TTN: variants seen among roughly 807,000 people sequenced by gnomAD.
TTN encodes the protein connectin.
In TTN, 1,525 loss-of-function variants were observed where a neutral mutation model predicts 3,223.0. That is an observed-to-expected ratio of 0.47 (90% CI 0.45 to 0.49). TTN has a LOEUF of 0.49. TTN is among the 20% of genes least tolerant of loss of function. The pLI, the probability that TTN is intolerant of heterozygous loss-of-function variation, is 0.00. For synonymous variants in TTN, 14,094 were observed against 15,161.0 expected (o/e 0.93, Z 5.17); for missense variants, 40,786 against 43,424.0 (o/e 0.94, Z 5.40).
Position 178,636,613 on chromosome 2 carries a change from A to G in TTN, c.41114T>C (p.Ile13705Thr). The G allele has an allele frequency of 6.2e-7, 1 of 1,613,446 alleles. No individual in the cohort carries two copies. The highest frequency in any genetic ancestry group is 8.5e-7 in the Non-Finnish European group (1 of 1,179,600). The change falls in exon 225 of 363, where the codon ATC becomes ACC. Residue 13705 changes from isoleucine to threonine, a missense_variant. Transcript: ENST00000589042. The surrounding 1 kb of genome is among the most constrained non-coding windows in gnomAD (Gnocchi z 4.3). ...GGAAGGGGAGACCAAACATTCAAAGATTGCTGAAGAGCCAACGAACTCTGA... is the reference window on the plus strand; with the variant it reads ...GGAAGGGGAGACCAAACATTCAAAGGTTGCTGAAGAGCCAACGAACTCTGA... ...TESEFVGSSA[I>T]FECLVSPSTA...
rs751407435 is a variant in TTN, at chr2:178,621,210, C to T, written c.45508G>A (p.Asp15170Asn). 19 of 1,612,370 alleles carry T rather than the reference C, an allele frequency of 1.2e-5. No individual in the cohort carries two copies. Among genetic ancestry groups the T allele is most frequent in the Non-Finnish European group, 1.5e-5 (18 of 1,179,120 alleles). The change falls in exon 246 of 363, where the codon GAT becomes AAT. Residue 15170 changes from aspartate (D) to asparagine (N), a missense_variant. By Grantham distance (23) the Asp-to-Asn change is conservative. Coordinates refer to ENST00000589042, the MANE Select transcript of TTN (RefSeq NM_001267550.2). ...ESGDKYDVIA[D>N]GKKRVLVVKD... ...ACAACTAGGACCCTCTTTTTACCAT[C>T]AGCAATAACGTCATATTTATCTCCA...
rs1196566 is a variant in TTN at position 178,706,314 on chromosome 2, G to C, written c.29420+140C>G. 93 of 857,296 alleles carry C rather than the reference G, an allele frequency of 1.1e-4. No homozygotes were observed. In the African/African-American group the frequency reaches 1.5e-3, roughly 14 times the overall value. The allele number at this position is 857,296 out of a possible 1,614,324, so 53.1% of individuals were successfully genotyped here. ...AATACAATGTAAGTGCTGTGTAAAT[G>C]GTTGTTATGCTGTATTGTTTATTTG... On this transcript the variant is annotated intron_variant, in intron 102 of 362. Coordinates refer to ENST00000589042, the MANE Select transcript of TTN (RefSeq NM_001267550.2).
Position 178,784,319 on chromosome 2 carries a change from T to C in TTN, c.2526A>G (p.Leu842=). ...ASIAGSAIAT[L]QKELSATSSA... The stretch of plus-strand genomic sequence containing the variant: ...AAGATGTGGCTGACAACTCTTTTTG[T>C]AATGTGGCAATAGCACTACCGGCTA... Residue 842 remains leucine, a synonymous_variant, in exon 16 of 363, where the codon TTA becomes TTG. Transcript: ENST00000589042. 6.2e-7 allele frequency: 1 copy of C among 1,614,118 alleles called. No homozygotes were observed. Among genetic ancestry groups the C allele is most frequent in the Non-Finnish European group, 8.5e-7 (1 of 1,179,998 alleles).
chr2:178,660,485 C>T (rs1250959000), intron 180 of TTN, among the ~76,000 whole-genome samples: 4 of 127,118 alleles, frequency 3.1e-5, no homozygotes, highest in African/African-American at 1.2e-4. Flanking sequence ...ATGTAGAAAG[C>T]TGAAATTGGA....
Position 178,543,881 on chromosome 2 carries a change from T to C in TTN, c.96263A>G (p.Glu32088Gly). Residue 32088 changes from glutamate (E) to glycine (G), a missense_variant, in exon 346 of 363, where the codon GAA becomes GGA. Transcript: ENST00000589042. ...TGCTGATTTCTTGCCAGATTGGTTTTCAGCTTCAATTGTGTATTTTCCAGC... is the reference window on the plus strand; with the variant it reads ...TGCTGATTTCTTGCCAGATTGGTTTCCAGCTTCAATTGTGTATTTTCCAGC... The part of the protein sequence containing the change: ...YDAGKYTIEA[E>G]NQSGKKSATV... 6.2e-7 allele frequency: 1 copy of C among 1,613,722 alleles called. No individual in the cohort carries two copies. The highest frequency in any genetic ancestry group is 2.2e-5 in the East Asian group (1 of 44,864).
At position 178,583,212 on chromosome 2, in the gene TTN, T is replaced by A; in HGVS notation, c.65591A>T (p.Asp21864Val). ...CAAAGATTTCATAGCCACACTCAGG[T>A]CTATCCTGGGAGGGACTGGAAAGAA... is the stretch of plus-strand genomic sequence containing the variant. ...ILAENVPPRI[D>V]LSVAMKSLLT... is the part of the protein sequence containing the mutation. Residue 21864 changes from aspartate to valine, a missense_variant, in exon 313 of 363, where the codon GAC (aspartate) becomes GTC (valine). By Grantham distance (152) the Asp-to-Val change is radical. Coordinates refer to ENST00000589042, the MANE Select transcript of TTN (RefSeq NM_001267550.2). 6.2e-7 allele frequency: 1 copy of A among 1,604,318 alleles called. No homozygotes were observed.
At position 178,552,981 on chromosome 2, in the gene TTN, T is replaced by C. The variant is rs1699999061; in HGVS notation, c.89919A>G (p.Arg29973=). Reference sequence around the variant, plus strand: ...CAGACCATGTTCTCTTGGTGGCATCTCTCTTTTCAATGACATAATTAATTA... The same window carrying C: ...CAGACCATGTTCTCTTGGTGGCATCCCTCTTTTCAATGACATAATTAATTA... ...SPIINYVIEK[R]DATKRTWSVV... The change falls in exon 335 of 363, where the codon AGA becomes AGG. Residue 29973 remains arginine, a synonymous_variant. Transcript: ENST00000589042. The C allele has an allele frequency of 9.3e-6, 15 of 1,612,408 alleles. No homozygotes were observed. The highest frequency in any genetic ancestry group is 1.3e-5 in the Non-Finnish European group (15 of 1,179,784).
Position 178,720,496 on chromosome 2 carries a change from CA to C in TTN, c.23265del (p.Phe7755LeufsTer44), listed in dbSNP as rs1203595144. The C allele has an allele frequency of 6.2e-7, 1 of 1,613,542 alleles. No individual in the cohort carries two copies. The highest frequency in any genetic ancestry group is 8.5e-7 in the Non-Finnish European group (1 of 1,179,680). On this transcript the variant is annotated frameshift_variant, in exon 80 of 363. Coordinates refer to ENST00000589042, the MANE Select transcript of TTN (RefSeq NM_001267550.2). LOFTEE classifies it high-confidence loss of function. ...SKKFKITSKH[F>X]DTSLHILNLE... ...AGATTAAGGATATGAAGACTTGTAT[CA>C]AAATGTTTTGAAGTGATTTTAAATT...
chr2:178,746,760 C>T, intron 47 of TTN: 1 of 1,613,442 alleles, frequency 6.2e-7, no homozygotes, highest in Non-Finnish European at 8.5e-7. Context: ...TACCATTTCA[C>T]ACCAGGAACT....
intron 302 of TTN, 23 bp downstream of exon 302, chr2:178,591,955 T>C (rs756527756): frequency 1.2e-6 from 2 of 1,607,342 alleles, no homozygotes; most frequent in African/African-American, 2.7e-5. Context: ...ACAATAGTTT[T>C]GTATTCAGAG....
chr2:178,688,249 A>C, intron 126 of TTN, 25 bp from the exon 127 acceptor site: 2 of 1,601,592 alleles, frequency 1.2e-6, no homozygotes, highest in Non-Finnish European at 1.7e-6. Context: ...GTTTCATTTA[A>C]ATTCAGCCTG....
intron 343 of TTN, 21 bp downstream of exon 343, chr2:178,545,799 T>C: frequency 6.2e-7 from 1 of 1,607,106 alleles, no homozygotes; most frequent in Middle Eastern, 1.7e-4. Flanking sequence ...TGTCAAATTA[T>C]TTAAAAGTGT....
intron 44 of TTN, among the ~76,000 whole-genome samples, chr2:178,758,386 A>G (rs2087951830): frequency 6.6e-6 from 1 of 152,214 alleles, no homozygotes. Context: ...CTATATAAAA[A>G]TGCTATCCTT....
In TTN at chr2:178,733,639, T is replaced by C. The variant is rs774489738; in HGVS notation, c.15750A>G (p.Thr5250=). ...CTTTAACTATTAATTCCCCAACAGA[T>C]GTTTGGCTTCCAGCTTCATTTTCAG... The part of the protein sequence containing the change: ...CLAENEAGSQ[T]SVGELIVKEP... Residue 5250 remains threonine, a synonymous_variant, in exon 53 of 363, where the codon ACA becomes ACG. Coordinates refer to ENST00000589042, the MANE Select transcript of TTN (RefSeq NM_001267550.2). 1.2e-6 allele frequency: 2 copies of C among 1,612,568 alleles called. No individual in the cohort carries two copies. The highest frequency in any genetic ancestry group is 3.3e-5 in the Admixed American group (2 of 59,984).
intron 356 of TTN, 113 bp downstream of exon 356, chr2:178,536,825 G>A (rs1456151449): frequency 9.6e-7 from 1 of 1,039,548 alleles, no homozygotes; most frequent in African/African-American, 1.6e-5. Context: ...AAAGGCACTT[G>A]TACTTTATCT....
intron 180 of TTN, among the ~76,000 whole-genome samples, chr2:178,659,581 A>AGT (rs2064365402): frequency 5.4e-5 from 8 of 148,886 alleles, no homozygotes; most frequent in Admixed American, 4.7e-4. Context: ...ACCCACAGCC[A>AGT]GTATCATACT....
At chr2:178,726,191 G>A in intron 69 of TTN, 145 bp from the exon 70 acceptor site, 3 of 922,920 alleles carry the variant, frequency 3.3e-6, no homozygotes, top group African/African-American at 1.7e-5. Context: ...TGGGATAACA[G>A]CCTCAGAAGC....
rs764427918 is a variant in TTN at position 178,599,480 on chromosome 2, C to G, written c.56348-35G>C. ...TTTAAAGAAGGAACCCTTTATCACT[C>G]AGATGATTTTAAAGCCAAATGTTAT... On this transcript the variant is annotated intron_variant, in intron 289 of 362. Coordinates refer to ENST00000589042, the MANE Select transcript of TTN (RefSeq NM_001267550.2). The G allele has an allele frequency of 3.3e-6, 5 of 1,518,570 alleles. No individual in the cohort carries two copies. The South Asian group carries it at 5.5e-5, about 17-fold the overall frequency. The allele number at this position is 1,518,570 out of a possible 1,614,324, so 94.1% of individuals were successfully genotyped here.
intron 88 of TTN, among the ~76,000 whole-genome samples, chr2:178,716,381 T>C (rs2077482135): frequency 6.6e-6 from 1 of 152,162 alleles, no homozygotes. Context: ...TAAAAGTGAT[T>C]AGCTATATGT....
Sources: gnomAD v4.1 joint callset for allele counts (sites outside exome capture counted in the v4.1 genomes callset) on GRCh38, gnomAD v4.1.1 for gene constraint, Gnocchi (gnomAD v3.1) non-coding constraint, MANE v1.5 for transcripts, NCBI Gene and HGNC (gene_info 2026-07-23, HGNC 2026-07-21) for gene names.